The following PALLD variants were observed in gnomAD, a reference collection of about 807,000 sequenced individuals.
PALLD encodes palladin, cytoskeletal associated protein.
A neutral mutation model predicts 123.5 loss-of-function variants in PALLD; 61 were observed. The observed-to-expected ratio is 0.49, with a 90% confidence interval of 0.40 to 0.61. PALLD has a LOEUF of 0.61. Ranked by LOEUF, PALLD falls within the 20% of genes least tolerant of loss-of-function variation. The pLI is 0.00. For synonymous variants in PALLD, 465 were observed against 496.4 expected (o/e 0.94, Z 0.84); for missense variants, 1,273 against 1,377.0 (o/e 0.92, Z 1.20).
At position 168,921,406 on chromosome 4, in the gene PALLD, C is replaced by CA. The variant is rs5863967; in HGVS notation, c.2851-108dup. 104,247 of 352,838 alleles carry CA rather than the reference C, an allele frequency of 0.3. 10,130 individuals carry two copies. The highest frequency in any genetic ancestry group is 0.38 in the East Asian group (7,280 of 19,368). 21.9% of individuals were successfully genotyped at this position (352,838 alleles called of 1,614,324 possible). On this transcript the variant is annotated intron_variant, in intron 17 of 21. Transcript: ENST00000505667. Reference sequence around the variant, plus strand: ...TGGGCAATAAGAGTGAAACTCTGTCCAAAAAAAAAAAAAAAAAAAAGCCAC... The same window carrying CA: ...TGGGCAATAAGAGTGAAACTCTGTCCAAAAAAAAAAAAAAAAAAAAAGCCAC...
Position 168,511,467 on chromosome 4 carries a change from C to G in PALLD, c.-38C>G. 2 of 1,536,440 alleles carry G rather than the reference C, an allele frequency of 1.3e-6. No individual in the cohort carries two copies. The highest frequency in any genetic ancestry group is 3.3e-5 in the Admixed American group (2 of 59,924). On this transcript the variant is annotated 5_prime_UTR_variant, in exon 2 of 22. Coordinates refer to ENST00000505667, the MANE Select transcript of PALLD (RefSeq NM_001166108.2). ...GTTTCCAGTGCCTCTGGCCTTCCTA[C>G]TGAAAGCAGACACAGAGTGCATGAA...
intron 10 of PALLD, among the ~76,000 whole-genome samples, chr4:168,827,940 C>A (rs2150829939): frequency 6.6e-6 from 1 of 152,276 alleles, no homozygotes; most frequent in African/African-American, 2.4e-5. Context: ...ACTCGGGAGG[C>A]TGAGGCAGGA....
At chr4:168,511,180 C>T (rs540968650) in intron 1 of PALLD, among the ~76,000 whole-genome samples, 78 of 152,250 alleles carry the variant, frequency 5.1e-4, no homozygotes, top group African/African-American at 1.9e-3. Context: ...GTGCCTACTG[C>T]ACACATCATC....
intron 2 of PALLD, among the ~76,000 whole-genome samples, chr4:168,531,623 T>C (rs929791528): frequency 1.3e-5 from 2 of 152,222 alleles, no homozygotes; most frequent in Admixed American, 1.3e-4. Flanking sequence ...CCAAAAAAGT[T>C]AGGCCATGCA....
chr4:168,889,885 A>G (rs978553786), intron 10 of PALLD, among the ~76,000 whole-genome samples: 3 of 152,160 alleles, frequency 2.0e-5, no homozygotes, highest in African/African-American at 7.2e-5. Flanking sequence ...CACCTTGAGA[A>G]CCACTGCTGT....
At position 168,889,138 on chromosome 4, in the gene PALLD, T is replaced by TGTGTGTGTGTG. The variant is rs1753779787; in HGVS notation, c.1965-1784_1965-1783insGTGTGTGTGTG. On this transcript the variant is annotated intron_variant, in intron 10 of 21. Coordinates refer to ENST00000505667, the MANE Select transcript of PALLD (RefSeq NM_001166108.2). ...TAAAGTTTTGTTTGTTTGCTTTATTTTGTGTGTGTGTGTGTGTGTGTGTGT... is the reference window on the plus strand; with the variant it reads ...TAAAGTTTTGTTTGTTTGCTTTATTTGTGTGTGTGTGTGTGTGTGTGTGTGTGTGTGTGTGT... Among the ~76,000 whole-genome samples, 7 of 132,254 alleles carry TGTGTGTGTGTG rather than the reference T, an allele frequency of 5.3e-5. No homozygotes were observed. The East Asian group carries it at 6.5e-4, about 12-fold the overall frequency. The allele number at this position is 132,254 out of a possible 152,430, so 86.8% of individuals were successfully genotyped here.
chr4:168,808,689 C>T (rs1247802430), intron 10 of PALLD, among the ~76,000 whole-genome samples: 3 of 152,148 alleles, frequency 2.0e-5, no homozygotes, highest in Non-Finnish European at 1.5e-5. Context: ...ACAATCATGG[C>T]AGAAGGTGAA....
At chr4:168,575,387 G>T (rs1050018754) in intron 2 of PALLD, among the ~76,000 whole-genome samples, 2 of 151,864 alleles carry the variant, frequency 1.3e-5, no homozygotes, top group African/African-American at 2.4e-5. Flanking sequence ...TATGTAGGAG[G>T]ATCTGTCAAA....
intron 10 of PALLD, among the ~76,000 whole-genome samples, chr4:168,718,874 A>T (rs1473262531): frequency 6.6e-6 from 1 of 151,150 alleles, no homozygotes; most frequent in African/African-American, 2.4e-5. Flanking sequence ...TGTAGAAATG[A>T]TTGATAATTC....
At chr4:168,723,938 G>A (rs1387207770) in intron 10 of PALLD, among the ~76,000 whole-genome samples, 1 of 146,870 alleles carries the variant, frequency 6.8e-6, no homozygotes, top group Non-Finnish European at 1.5e-5. Flanking sequence ...CTGTTGCCAG[G>A]CTGGAGTGCA....
intron 10 of PALLD, among the ~76,000 whole-genome samples, chr4:168,746,504 G>A (rs545139537): frequency 4.0e-5 from 6 of 150,358 alleles, no homozygotes; most frequent in Non-Finnish European, 7.4e-5. Context: ...AAGGACTGTC[G>A]TATTCATCCC....
intron 10 of PALLD, among the ~76,000 whole-genome samples, chr4:168,839,109 C>T (rs965605489): frequency 2.0e-5 from 3 of 152,094 alleles, no homozygotes; most frequent in Non-Finnish European, 2.9e-5. Flanking sequence ...TGCGCCACCA[C>T]GCCCAGCTAA....
Position 168,609,345 on chromosome 4 carries a change from C to CAAAAAAA in PALLD, c.909-58827_909-58821dup, listed in dbSNP as rs5863949. On this transcript the variant is annotated intron_variant, in intron 2 of 21. Transcript: ENST00000505667. ...AGAAAGCAGGAGTGAAAGCTGTTAC[C>CAAAAAAA]AAAAAAAAAAAAAAAAAAAAAAAAG... Among the ~76,000 whole-genome samples, 18 of 71,598 alleles carry CAAAAAAA rather than the reference C, an allele frequency of 2.5e-4. 2 individuals are homozygous for CAAAAAAA. Among genetic ancestry groups the CAAAAAAA allele is most frequent in the African/African-American group, 8.1e-4 (14 of 17,240 alleles). The allele number at this position is 71,598 out of a possible 152,430, so 47.0% of individuals were successfully genotyped here. A position where few individuals can be genotyped will look rare whatever the true frequency, so the allele number is the denominator to read the frequency against.
At chr4:168,710,168 AAAAG>A (rs1271742810) in intron 9 of PALLD, among the ~76,000 whole-genome samples, 1 of 152,226 alleles carries the variant, frequency 6.6e-6, no homozygotes, top group Non-Finnish European at 1.5e-5. Context: ...ACTAATATGA[AAAAG>A]AAAGCAATGT....
chr4:168,554,369 A>C (rs1267255698), intron 2 of PALLD, among the ~76,000 whole-genome samples: 5 of 152,126 alleles, frequency 3.3e-5, no homozygotes. Context: ...TCAGACCGCC[A>C]ATGATTAGTG....
chr4:168,520,251 G>A (rs1452237534), intron 2 of PALLD, among the ~76,000 whole-genome samples: 3 of 150,826 alleles, frequency 2.0e-5, no homozygotes, highest in Admixed American at 2.0e-4. Context: ...GCTTGAATCC[G>A]GGAGGCGGAG....
intron 2 of PALLD, among the ~76,000 whole-genome samples, chr4:168,624,025 G>T (rs1775008277): frequency 6.6e-6 from 1 of 151,966 alleles, no homozygotes; most frequent in South Asian, 2.1e-4. Flanking sequence ...TTTTCAAGTG[G>T]TCAGGAAACA....
Position 168,512,211 on chromosome 4 carries a change from C to T in PALLD, c.707C>T (p.Ser236Phe). ...GGGGAGATGGAAAGAGAGGTCAAGT[C>T]CCCTGGGGCCAGGCATTGCTACCAG... is the stretch of plus-strand genomic sequence containing the variant. ...DQGEMEREVK[S>F]PGARHCYQDN... Residue 236 changes from serine to phenylalanine, a missense_variant, in exon 2 of 22, where the codon TCC becomes TTC. By Grantham distance (155) the Ser-to-Phe change is radical (BLOSUM62 -2). Coordinates refer to ENST00000505667, the MANE Select transcript of PALLD (RefSeq NM_001166108.2). 6.2e-7 allele frequency: 1 copy of T among 1,613,670 alleles called. No individual in the cohort carries two copies. Among genetic ancestry groups the T allele is most frequent in the Non-Finnish European group, 8.5e-7 (1 of 1,179,638 alleles).
intron 10 of PALLD, among the ~76,000 whole-genome samples, chr4:168,746,398 A>AAAAAAAAAAAAC: frequency 6.7e-6 from 1 of 149,044 alleles, no homozygotes; most frequent in Non-Finnish European, 1.5e-5. Context: ...AAAAAAAAAA[A>AAAAAAAAAAAAC]AAAAAAAAAA....
Sources: gnomAD v4.1 joint callset for allele counts (sites outside exome capture counted in the v4.1 genomes callset) on GRCh38, gnomAD v4.1.1 for gene constraint, MANE v1.5 for transcripts, NCBI Gene and HGNC (gene_info 2026-07-23, HGNC 2026-07-21) for gene names.